Variants in AFG2A observed in about 807,000 individuals in gnomAD.
AFG2A encodes ATPase family gene 2 protein homolog A.
At chr4:123,161,053 A>G in the AFG2A span, among the ~76,000 whole-genome samples, 10 of 152,216 alleles carry the variant, frequency 6.6e-5, no homozygotes, top group Non-Finnish European at 1.3e-4. Context: ...AACTGAGTCT[A>G]GGATGACTTT....
the AFG2A span, among the ~76,000 whole-genome samples, chr4:123,180,282 A>C: frequency 6.6e-6 from 1 of 152,204 alleles, no homozygotes; most frequent in Admixed American, 6.5e-5. Flanking sequence ...TTTTTCAGGC[A>C]CATTTTAGAA....
At chr4:122,945,707 G>A in the AFG2A span, among the ~76,000 whole-genome samples, 1,768 of 152,326 alleles carry the variant, frequency 0.012, 49 homozygotes, top group South Asian at 0.11. Flanking sequence ...TACCTCAGAT[G>A]GAAATACAGA....
the AFG2A span, chr4:123,028,280 G>A: frequency 9.1e-4 from 1,462 of 1,614,112 alleles, 6 homozygotes; most frequent in Non-Finnish European, 1.1e-3. Flanking sequence ...TCTTTCATTC[G>A]AATGGGTATT....
chr4:123,043,950 A>G, the AFG2A span, among the ~76,000 whole-genome samples: 1 of 152,122 alleles, frequency 6.6e-6, no homozygotes, highest in Admixed American at 6.6e-5. Flanking sequence ...ATTCAGAAAA[A>G]CTGTTGCCAT....
the AFG2A span, among the ~76,000 whole-genome samples, chr4:123,001,701 G>T: frequency 3.9e-5 from 6 of 152,046 alleles, no homozygotes; most frequent in Non-Finnish European, 4.4e-5. Flanking sequence ...TTTTACATTT[G>T]CTGAGGAGAG....
chr4:123,123,052 G>A, the AFG2A span, among the ~76,000 whole-genome samples: 1 of 151,888 alleles, frequency 6.6e-6, no homozygotes, highest in African/African-American at 2.4e-5. Flanking sequence ...TTTTACTTTA[G>A]TATGAAAGTG....
the AFG2A span, among the ~76,000 whole-genome samples, chr4:123,134,848 C>T: frequency 1.3e-5 from 2 of 152,060 alleles, no homozygotes; most frequent in Non-Finnish European, 2.9e-5. Flanking sequence ...AGGGCTAATA[C>T]TAATCCTCCT....
the AFG2A span, among the ~76,000 whole-genome samples, chr4:123,219,278 G>GA: frequency 3.3e-5 from 5 of 152,354 alleles, no homozygotes; most frequent in Admixed American, 3.3e-4. Flanking sequence ...GGTAGAAAGA[G>GA]AAAGCCAGAA....
chr4:123,064,871 A>G, the AFG2A span, among the ~76,000 whole-genome samples: 1 of 152,124 alleles, frequency 6.6e-6, no homozygotes, highest in Non-Finnish European at 1.5e-5. Flanking sequence ...CTTAACTTCC[A>G]AGTAATGTGA....
At chr4:123,209,931 C>T in the AFG2A span, among the ~76,000 whole-genome samples, 1 of 152,102 alleles carries the variant, frequency 6.6e-6, no homozygotes, top group Admixed American at 6.6e-5. Context: ...ATAATACTGT[C>T]TCCTCCCACT....
chr4:122,951,756 T>C, the AFG2A span, among the ~76,000 whole-genome samples: 6,252 of 152,280 alleles, frequency 0.041, 415 homozygotes, highest in African/African-American at 0.14. Flanking sequence ...GCTGGATGGC[T>C]ATGCCTGCTC....
the AFG2A span, among the ~76,000 whole-genome samples, chr4:123,017,936 G>A: frequency 6.6e-6 from 1 of 152,182 alleles, no homozygotes; most frequent in Non-Finnish European, 1.5e-5. Context: ...TGGAGCTACG[G>A]AATTCCTCTC....
At chr4:123,152,382 T>C in the AFG2A span, among the ~76,000 whole-genome samples, 1 of 152,182 alleles carries the variant, frequency 6.6e-6, no homozygotes, top group Admixed American at 6.5e-5. Flanking sequence ...AGGACTGTTA[T>C]CCAAAATACA....
At chr4:122,978,036 A>G in the AFG2A span, among the ~76,000 whole-genome samples, 5 of 151,968 alleles carry the variant, frequency 3.3e-5, no homozygotes, top group East Asian at 1.9e-4. Context: ...TTCTTTCTGT[A>G]GGCAGGTTGT....
At chr4:123,279,170 C>G in the AFG2A span, among the ~76,000 whole-genome samples, 1 of 152,172 alleles carries the variant, frequency 6.6e-6, no homozygotes, top group Non-Finnish European at 1.5e-5. Context: ...AATCCCAGCA[C>G]TTTGGGAGGC....
chr4:123,130,927 G>A, the AFG2A span, among the ~76,000 whole-genome samples: 1 of 133,880 alleles, frequency 7.5e-6, no homozygotes, highest in Non-Finnish European at 1.6e-5. Context: ...GTTATTGTCA[G>A]TGTTTTTTTT....
At chr4:123,200,448 A>C in the AFG2A span, among the ~76,000 whole-genome samples, 8 of 152,234 alleles carry the variant, frequency 5.3e-5, no homozygotes, top group Admixed American at 5.2e-4. Context: ...GTTTTTTAAC[A>C]ATCTTTAGGG....
the AFG2A span, among the ~76,000 whole-genome samples, chr4:123,153,583 GTTA>G: frequency 0.05 from 7,617 of 152,142 alleles, 601 homozygotes; most frequent in African/African-American, 0.17. Flanking sequence ...TTCCTGTGTT[GTTA>G]TTATTACTGT....
At chr4:123,274,695 A>G in the AFG2A span, among the ~76,000 whole-genome samples, 1 of 151,992 alleles carries the variant, frequency 6.6e-6, no homozygotes, top group Non-Finnish European at 1.5e-5. Flanking sequence ...TTCCCACTAG[A>G]TTAGCCCATA....
Sources: allele counts gnomAD v4.1 joint callset (sites outside exome capture counted in the v4.1 genomes callset), GRCh38; gene constraint gnomAD v4.1.1; transcripts MANE v1.5; gene names NCBI Gene and HGNC (gene_info 2026-07-23, HGNC 2026-07-21).